The following HMCN1 variants were observed in gnomAD, a reference collection of about 807,000 sequenced individuals.
The protein encoded by HMCN1 is hemicentin 1.
HMCN1 carries 321 observed loss-of-function variants against 625.9 expected under a neutral mutation model. The observed-to-expected ratio is 0.51, with a 90% CI of 0.47 to 0.56. The LOEUF (loss-of-function observed/expected upper bound fraction) is 0.56. Ranked by LOEUF, HMCN1 falls within the 20% of genes least tolerant of loss-of-function variation. The pLI is 0.00. For synonymous variants in HMCN1, 2,425 were observed against 2,417.6 expected, an observed-to-expected ratio of 1.00 and a Z score of -0.09; for missense variants, 6,588 against 6,887.3, an observed-to-expected ratio of 0.96 and a Z score of 1.54.
intron 11 of HMCN1, among the ~76,000 whole-genome samples, chr1:185,949,117 G>A (rs1248441807): frequency 2.0e-5 from 3 of 151,542 alleles, no homozygotes; most frequent in African/African-American, 4.9e-5. Flanking sequence ...AGTCCTGCCA[G>A]CAAAGATTAT....
At chr1:185,984,369 T>C in intron 19 of HMCN1, 56 bp downstream of exon 19, 1 of 1,513,612 alleles carries the variant, frequency 6.6e-7, no homozygotes, top group Admixed American at 1.7e-5. Flanking sequence ...TAGTTGTTCT[T>C]ATATTTTAAT....
At chr1:186,089,781 A>T (rs967006740) in intron 63 of HMCN1, among the ~76,000 whole-genome samples, 7 of 120,254 alleles carry the variant, frequency 5.8e-5, no homozygotes, top group Admixed American at 9.5e-5. Context: ...GATGTCTCTT[A>T]TTACTAATGT....
chr1:185,997,800 T>G (rs970854334), intron 25 of HMCN1, among the ~76,000 whole-genome samples: 1 of 149,832 alleles, frequency 6.7e-6, no homozygotes, highest in Admixed American at 6.6e-5. Flanking sequence ...CTGCTACTTC[T>G]TATTTCATTC....
chr1:186,015,231 A>C lies in HMCN1; in HGVS notation c.4703A>C (p.Glu1568Ala), dbSNP rs149696231. The C allele has an allele frequency of 9.9e-6, 16 of 1,613,600 alleles. No individual in the cohort carries two copies. Among genetic ancestry groups the C allele is most frequent in the Non-Finnish European group, 1.4e-5 (16 of 1,179,742 alleles). ...SVLINSLIKL[E>A]CETRGLPMPA... The stretch of plus-strand genomic sequence containing the variant: ...TTGATCAACAGCCTTATTAAACTGG[A>C]ATGTGAAACACGGGGACTTCCAATG... The change falls in exon 31 of 107, where the codon GAA becomes GCA. Residue 1568 changes from glutamate (E) to alanine (A), a missense_variant. Physicochemically the swap from Glu to Ala is moderately radical, Grantham distance 107. Coordinates refer to ENST00000271588, the MANE Select transcript of HMCN1 (RefSeq NM_031935.3).
chr1:186,166,682 T>G (rs1421784610), intron 99 of HMCN1, 126 bp from the exon 100 acceptor site: 10 of 1,369,188 alleles, frequency 7.3e-6, no homozygotes, highest in Non-Finnish European at 3.1e-6. Flanking sequence ...ACCAAAAACT[T>G]TAGTCCTTCT....
chr1:185,874,761 G>T (rs186755416), intron 4 of HMCN1, among the ~76,000 whole-genome samples: 2 of 151,930 alleles, frequency 1.3e-5, no homozygotes, highest in Non-Finnish European at 2.9e-5. Flanking sequence ...ATAGACACAA[G>T]AAATTTATTT....
At chr1:185,857,319 C>T (rs1454084940) in intron 2 of HMCN1, among the ~76,000 whole-genome samples, 1 of 152,096 alleles carries the variant, frequency 6.6e-6, no homozygotes, top group Non-Finnish European at 1.5e-5. Flanking sequence ...AAATATTGAG[C>T]AGGACTGTGC....
chr1:186,005,186 TAAAC>T (rs904220945), intron 29 of HMCN1, among the ~76,000 whole-genome samples: 4 of 147,454 alleles, frequency 2.7e-5, no homozygotes, highest in Non-Finnish European at 3.0e-5. Context: ...TAAATGTTTA[TAAAC>T]AATTTTTTAA....
intron 89 of HMCN1, among the ~76,000 whole-genome samples, chr1:186,140,417 TACA>T (rs1356547737): frequency 6.6e-6 from 1 of 152,212 alleles, no homozygotes; most frequent in Non-Finnish European, 1.5e-5. Context: ...TCCTCATGAT[TACA>T]TGTAGGTTTT....
intron 55 of HMCN1, 80 bp downstream of exon 55, chr1:186,078,300 T>A: frequency 1.0e-6 from 1 of 983,908 alleles, no homozygotes; most frequent in Non-Finnish European, 1.6e-6. Context: ...GATGTTACAC[T>A]AAGCGCTTTT....
chr1:185,774,233 TAGA>T (rs1427819785), intron 1 of HMCN1, among the ~76,000 whole-genome samples: 2 of 152,142 alleles, frequency 1.3e-5, no homozygotes, highest in Admixed American at 6.6e-5. Flanking sequence ...GACTTTGTGG[TAGA>T]AGAAGAACAT....
At chr1:186,107,817 T>C (rs769967880) in intron 70 of HMCN1, among the ~76,000 whole-genome samples, 1 of 152,106 alleles carries the variant, frequency 6.6e-6, no homozygotes, top group African/African-American at 2.4e-5. Flanking sequence ...TTGAAACTAA[T>C]TGTCAAATTA....
intron 36 of HMCN1, among the ~76,000 whole-genome samples, chr1:186,027,807 G>C (rs1655156658): frequency 6.6e-6 from 1 of 152,120 alleles, no homozygotes; most frequent in Non-Finnish European, 1.5e-5. Context: ...TAGTTGTCTG[G>C]TAAAAACATT....
intron 11 of HMCN1, among the ~76,000 whole-genome samples, chr1:185,956,752 T>C (rs188605388): frequency 4.6e-4 from 70 of 152,274 alleles, no homozygotes; most frequent in African/African-American, 1.6e-3. Flanking sequence ...GGGTTGGAAG[T>C]TCCATCCTGC....
At chr1:185,783,448 T>C (rs1004504996) in intron 1 of HMCN1, among the ~76,000 whole-genome samples, 1 of 152,114 alleles carries the variant, frequency 6.6e-6, no homozygotes, top group Non-Finnish European at 1.5e-5. Flanking sequence ...TCAGTTTTTC[T>C]GCTCTGTTTT....
At position 185,756,838 on chromosome 1, in the gene HMCN1, A is replaced by ATT. The variant is rs201914042; in HGVS notation, c.268+21802_268+21803dup. On this transcript the variant is annotated intron_variant, in intron 1 of 106. Transcript: ENST00000271588. Reference sequence around the variant, plus strand: ...TTTCTGCTATTGTCCAATGACTATCATTTTTTTTTTTTACTTCTATGATAA... The same window carrying ATT: ...TTTCTGCTATTGTCCAATGACTATCATTTTTTTTTTTTTTACTTCTATGATAA... 3.3e-3 allele frequency among the ~76,000 whole-genome samples: 478 copies of ATT among 145,558 alleles called. 4 individuals carry two copies. The highest frequency in any genetic ancestry group is 0.012 in the African/African-American group (465 of 40,016).
At position 185,939,921 on chromosome 1, in the gene HMCN1, T is replaced by C. The variant is rs913181958; in HGVS notation, c.1828+6097T>C. Among the ~76,000 whole-genome samples the C allele has an allele frequency of 2.0e-5, 3 of 152,186 alleles. No homozygotes were observed. In the East Asian group the frequency reaches 5.8e-4, roughly 29 times the overall value. ...AGAAACATCTCCTATCTGCTTTATA[T>C]AAATGGAAGTATAGATTATAAAGTA... is the stretch of plus-strand genomic sequence containing the variant. On this transcript the variant is annotated intron_variant, in intron 11 of 106. Transcript: ENST00000271588.
chr1:185,948,335 G>C (rs528344586), intron 11 of HMCN1, among the ~76,000 whole-genome samples: 2 of 152,134 alleles, frequency 1.3e-5, no homozygotes, highest in South Asian at 4.2e-4. Context: ...CAACATGGCT[G>C]TTTATTTCAC....
intron 1 of HMCN1, among the ~76,000 whole-genome samples, chr1:185,803,942 G>T (rs557731538): frequency 6.6e-6 from 1 of 151,962 alleles, no homozygotes; most frequent in South Asian, 2.1e-4. Flanking sequence ...CATCTTCTTG[G>T]ATCCTCTAGT....
Sources: allele counts gnomAD v4.1 joint callset (sites outside exome capture counted in the v4.1 genomes callset), GRCh38; gene constraint gnomAD v4.1.1; transcripts MANE v1.5; gene names NCBI Gene and HGNC (gene_info 2026-07-23, HGNC 2026-07-21).